The following TLE3 variants were observed in gnomAD, a reference collection of about 807,000 sequenced individuals.
TLE3 encodes TLE family member 3, transcriptional corepressor, also known as transducin-like enhancer protein 3.
Under a neutral mutation model 93.0 loss-of-function variants are expected in TLE3, and 14 were observed. The observed-to-expected ratio is 0.15, with a 90% CI of 0.10 to 0.24. The LOEUF is 0.24. Among genes scored for constraint, TLE3 ranks in the 10% least tolerant of loss-of-function variants. The pLI is 1.00. For missense variants in TLE3, 693 were observed against 1,046.6 expected (o/e 0.66, Z 4.66); for synonymous variants, 451 against 425.0 (o/e 1.06, Z -0.75).
chr15:70,055,543 A>G, intron 14 of TLE3: 2 of 422,424 alleles, frequency 4.7e-6, no homozygotes, highest in Non-Finnish European at 8.2e-6. Context: ...CAGACCAGAA[A>G]CCCACAGGTG....
chr15:70,054,154 A>C (rs7172976), intron 16 of TLE3: 238,646 of 333,242 alleles, frequency 0.72, 85,943 homozygotes, highest in South Asian at 0.9. Flanking sequence ...CTGCTCCCAG[A>C]CTCTCTGCTT....
chr15:70,097,696 C>CG lies in TLE3; in HGVS notation c.-899dup. 2.5e-6 allele frequency: 1 copy of CG among 397,220 alleles called. No homozygotes were observed. The highest frequency in any genetic ancestry group is 2.1e-5 in the African/African-American group (1 of 48,666). 24.6% of individuals were successfully genotyped at this position (397,220 alleles called of 1,614,324 possible). A position where few individuals can be genotyped will look rare whatever the true frequency, so the allele number is the denominator to read the frequency against. On this transcript the variant is annotated 5_prime_UTR_variant, in exon 1 of 20. Coordinates refer to ENST00000451782, the MANE Select transcript of TLE3 (RefSeq NM_001105192.3). ...CTGGAGGGGAGACGCAGCCCGAGACCGGGGAGCTCTACGGCTTCCTTCCTT... is the reference window on the plus strand; with the variant it reads ...CTGGAGGGGAGACGCAGCCCGAGACCGGGGGAGCTCTACGGCTTCCTTCCTT...
At chr15:70,070,479 G>C (rs1473332565) in intron 6 of TLE3, among the ~76,000 whole-genome samples, 1 of 152,180 alleles carries the variant, frequency 6.6e-6, no homozygotes, top group Non-Finnish European at 1.5e-5. Flanking sequence ...ACAGGGTCCT[G>C]ACAGCGTAAA....
At chr15:70,052,645 T>TAA in intron 17 of TLE3, 121 bp from the exon 18 acceptor site, 1 of 1,120,208 alleles carries the variant, frequency 8.9e-7, no homozygotes, top group Non-Finnish European at 1.2e-6. Context: ...ACCCACCCAA[T>TAA]AACCCAGGAG....
rs371432438 is a variant in TLE3 at position 70,058,545 on chromosome 15, C to T, written c.918+118G>A. ...GGCCCAGCAGGCACAGAAGGTAAACCGGGGCCAATCACCCACCCAGCTTCT... is the reference window on the plus strand; with the variant it reads ...GGCCCAGCAGGCACAGAAGGTAAACTGGGGCCAATCACCCACCCAGCTTCT... On this transcript the variant is annotated intron_variant, in intron 11 of 19. Transcript: ENST00000451782. The surrounding 1 kb of genome is among the most constrained non-coding windows in gnomAD (Gnocchi z 4.1). 55 of 1,415,586 alleles carry T rather than the reference C, an allele frequency of 3.9e-5. 1 individual carries two copies. The South Asian group carries it at 6.3e-4, about 16-fold the overall frequency. The allele number at this position is 1,415,586 out of a possible 1,614,324, so 87.7% of individuals were successfully genotyped here. A position where few individuals can be genotyped will look rare whatever the true frequency, so the allele number is the denominator to read the frequency against.
At chr15:70,063,111 T>C (rs550964420) in intron 8 of TLE3, among the ~76,000 whole-genome samples, 165 of 152,306 alleles carry the variant, frequency 1.1e-3, no homozygotes, top group Non-Finnish European at 1.7e-3. Context: ...AGTCAGGTTA[T>C]AAAGGGTCTT....
intron 4 of TLE3, among the ~76,000 whole-genome samples, chr15:70,079,966 A>G (rs1595969124): frequency 1.3e-5 from 2 of 152,176 alleles, no homozygotes; most frequent in African/African-American, 4.8e-5. Context: ...AAAAACCACC[A>G]TTAAGGTTAA....
rs1317193494 is a variant in TLE3, at chr15:70,056,348, C to T, written c.1278G>A (p.Met426Ile). ...GAVGFDPHPP[M>I]RATGLPSSLA... ...GGCTTGAGGGGAGGCCTGTGGCCCG[C>T]ATCGGGGGGTGAGGGTCAAAACCAA... Residue 426 changes from methionine to isoleucine, a missense_variant, in exon 14 of 20, where the codon ATG becomes ATA. Transcript: ENST00000451782. The T allele has an allele frequency of 6.2e-7, 1 of 1,613,610 alleles. No individual in the cohort carries two copies. The highest frequency in any genetic ancestry group is 8.5e-7 in the Non-Finnish European group (1 of 1,179,850).
intron 2 of TLE3, 22 bp downstream of exon 2, chr15:70,096,139 G>C: frequency 6.5e-7 from 1 of 1,544,104 alleles, no homozygotes; most frequent in Non-Finnish European, 8.8e-7. Flanking sequence ...GCCAGCCCCG[G>C]GGCGGCCCCC....
chr15:70,089,187 G>A (rs373958273), intron 4 of TLE3, among the ~76,000 whole-genome samples: 15 of 152,244 alleles, frequency 9.9e-5, no homozygotes, highest in East Asian at 7.7e-4. Flanking sequence ...TTTCAGACTC[G>A]CGCCAAGCAA....
At chr15:70,073,862 C>A (rs369969195) in intron 6 of TLE3, among the ~76,000 whole-genome samples, 1 of 152,244 alleles carries the variant, frequency 6.6e-6, no homozygotes, top group South Asian at 2.1e-4. Context: ...GCCAGGTAGA[C>A]CCAGCTTCCC....
At chr15:70,077,893 A>T (rs970293110) in intron 4 of TLE3, among the ~76,000 whole-genome samples, 2 of 152,172 alleles carry the variant, frequency 1.3e-5, no homozygotes, top group African/African-American at 4.8e-5. Context: ...CCCCACTTCC[A>T]AACTGCCCAG....
chr15:70,073,852 GC>G (rs2057307406), intron 6 of TLE3, among the ~76,000 whole-genome samples: 2 of 152,218 alleles, frequency 1.3e-5, no homozygotes, highest in East Asian at 3.8e-4. Flanking sequence ...AAAGATACAA[GC>G]CAGGTAGACC....
chr15:70,052,765 TA>T (rs60832777), intron 17 of TLE3: 23,646 of 291,426 alleles, frequency 0.081, 1,003 homozygotes, highest in East Asian at 0.22. Flanking sequence ...AAAAGTGAGT[TA>T]AAAAAAAAAA....
At chr15:70,065,988 C>T in intron 7 of TLE3, 26 bp downstream of exon 7, 3 of 1,573,140 alleles carry the variant, frequency 1.9e-6, no homozygotes, top group Non-Finnish European at 2.6e-6. Context: ...TGCCCCGCCC[C>T]ACCCTCTGCC....
At chr15:70,053,544 G>A in intron 16 of TLE3, 170 bp from the exon 17 acceptor site, 1 of 685,076 alleles carries the variant, frequency 1.5e-6, no homozygotes, top group Non-Finnish European at 2.2e-6. Flanking sequence ...CCTCTTTCCA[G>A]TTCCAGGCCT....
At chr15:70,077,545 A>AC (rs1408433412) in intron 4 of TLE3, among the ~76,000 whole-genome samples, 4 of 151,710 alleles carry the variant, frequency 2.6e-5, no homozygotes, top group Non-Finnish European at 5.9e-5. Context: ...AACACCCTCC[A>AC]CCCCCTCCAC....
In TLE3 at chr15:70,057,484, C is replaced by G. The variant is rs1266008291; in HGVS notation, c.1226G>C (p.Arg409Pro). ...AGCTCCAAAGCTCACCATTGGCGAT[C>G]GGCCATAGGCAGCGGCTGCAGCAGC... is the stretch of plus-strand genomic sequence containing the variant. Reference protein sequence around the residue: ...AAAAAAAAYGRSPMVSFGAVG... With the variant: ...AAAAAAAAYGPSPMVSFGAVG... Residue 409 changes from arginine to proline, a missense_variant, in exon 13 of 20, where the codon CGA becomes CCA. This residue lies in a region of TLE3 where 405 missense variants were observed against 468.9 expected (regional missense o/e 0.86). Transcript: ENST00000451782. 6.2e-7 allele frequency: 1 copy of G among 1,607,368 alleles called. No homozygotes were observed. The highest frequency in any genetic ancestry group is 1.7e-5 in the Admixed American group (1 of 59,030).
At chr15:70,065,777 TG>T (rs1361818943) in intron 7 of TLE3, among the ~76,000 whole-genome samples, 2 of 152,166 alleles carry the variant, frequency 1.3e-5, no homozygotes, top group South Asian at 2.1e-4. Context: ...GAGCTCCAGA[TG>T]AACAGACAGG....
Sources: gnomAD v4.1 joint callset for allele counts (sites outside exome capture counted in the v4.1 genomes callset) on GRCh38, gnomAD v4.1.1 for gene constraint, gnomAD v4.1.1 regional missense constraint, Gnocchi (gnomAD v3.1) non-coding constraint, MANE v1.5 for transcripts, NCBI Gene and HGNC (gene_info 2026-07-23, HGNC 2026-07-21) for gene names.